SDK2: variants seen among roughly 807,000 people sequenced by gnomAD.
SDK2 encodes the protein protein sidekick-2.
In SDK2, 105 loss-of-function variants were observed where a neutral mutation model predicts 253.9. That is an observed-to-expected ratio of 0.41 (90% CI 0.35 to 0.49). SDK2 has a LOEUF of 0.49. SDK2 is among the 20% of genes least tolerant of loss of function. SDK2 has a pLI of 0.06. For missense variants in SDK2, 2,608 were observed against 3,003.0 expected (o/e 0.87, Z 3.07); for synonymous variants, 1,249 against 1,234.9 (o/e 1.01, Z -0.24).
intron 1 of SDK2, among the ~76,000 whole-genome samples, chr17:73,590,469 C>T (rs1203231015): frequency 6.6e-6 from 1 of 152,262 alleles, no homozygotes; most frequent in Admixed American, 6.5e-5. Context: ...CACCATTGCT[C>T]TGCCCCGTCT....
At chr17:73,507,678 T>G (rs2063947047) in intron 1 of SDK2, 81 bp from the exon 2 acceptor site, 1 of 1,416,374 alleles carries the variant, frequency 7.1e-7, no homozygotes, top group African/African-American at 1.4e-5. Context: ...CTAAGGCCCT[T>G]AGGCAGATGG....
intron 1 of SDK2, among the ~76,000 whole-genome samples, chr17:73,571,401 A>T (rs1435128208): frequency 1.3e-5 from 2 of 152,152 alleles, no homozygotes; most frequent in Non-Finnish European, 2.9e-5. Context: ...GCCAGTAGAT[A>T]GTCAAGTTCC....
At chr17:73,366,714 G>A (rs529834078) in intron 37 of SDK2, among the ~76,000 whole-genome samples, 54 of 152,208 alleles carry the variant, frequency 3.5e-4, no homozygotes, top group Middle Eastern at 3.4e-3. Flanking sequence ...CCGGCTCATC[G>A]TGAGATGAGG....
intron 33 of SDK2, among the ~76,000 whole-genome samples, chr17:73,382,098 C>T (rs1338911147): frequency 1.3e-5 from 2 of 151,822 alleles, no homozygotes; most frequent in Non-Finnish European, 2.9e-5. Flanking sequence ...CGCCGTTAAT[C>T]CCAGCTACTC....
At chr17:73,426,812 C>A (rs753725935) in intron 12 of SDK2, among the ~76,000 whole-genome samples, 1 of 152,136 alleles carries the variant, frequency 6.6e-6, no homozygotes, top group Non-Finnish European at 1.5e-5. Flanking sequence ...GGGGGCCGGG[C>A]GCGGTGGCTC....
chr17:73,542,779 A>G (rs2044890542), intron 1 of SDK2, among the ~76,000 whole-genome samples: 1 of 152,038 alleles, frequency 6.6e-6, no homozygotes, highest in African/African-American at 2.4e-5. Flanking sequence ...CAGGCCTGAA[A>G]TTCATGCCAT....
At chr17:73,402,416 C>T (rs984022464) in intron 18 of SDK2, among the ~76,000 whole-genome samples, 6 of 152,222 alleles carry the variant, frequency 3.9e-5, no homozygotes, top group African/African-American at 1.4e-4. Flanking sequence ...CACAGAGACC[C>T]AGGAGGGAGG....
chr17:73,621,575 A>G (rs2046133144), intron 1 of SDK2, among the ~76,000 whole-genome samples: 1 of 152,002 alleles, frequency 6.6e-6, no homozygotes, highest in Admixed American at 6.6e-5. Context: ...TTAGAAAGCT[A>G]GAAGTTATAT....
At chr17:73,475,951 A>G (rs2145701472) in intron 2 of SDK2, among the ~76,000 whole-genome samples, 1 of 152,332 alleles carries the variant, frequency 6.6e-6, no homozygotes, top group East Asian at 1.9e-4. Context: ...GTTTCTACTA[A>G]AAACACAAAA....
rs1275355268 is a variant in SDK2, at chr17:73,465,084, AC to A, written c.331+7027del. Among the ~76,000 whole-genome samples the A allele has an allele frequency of 1.3e-5, 2 of 152,152 alleles. No homozygotes were observed. The highest frequency in any genetic ancestry group is 4.8e-5 in the African/African-American group (2 of 41,438). ...GAAAGACACATTGATGTTATCAGGA[AC>A]TGTCACTTGGCCCCTAAGCATCCTG... On this transcript the variant is annotated intron_variant, in intron 3 of 44. Transcript: ENST00000392650. The surrounding 1 kb of genome is among the most constrained non-coding windows in gnomAD (Gnocchi z 4.2).
chr17:73,423,965 C>G lies in SDK2; in HGVS notation c.1711G>C (p.Val571Leu). Residue 571 changes from valine (V) to leucine (L), a missense_variant, in exon 13 of 45, where the codon GTG becomes CTG. Physicochemically the swap from Val to Leu is conservative, Grantham distance 32. Around this residue, in one of 2 missense-constraint regions of SDK2, gnomAD observed 1,505 missense variants for 1,859.1 expected, o/e 0.81. Transcript: ENST00000392650. ...SGDIGTYTCR[V>L]ISAGGNDSRS... ...GAGTCGTTGCCTCCTGCTGAGATCA[C>G]CCGGCAGGTGTACGTGCCGATGTCT... 1 of 1,605,420 alleles carries G rather than the reference C, an allele frequency of 6.2e-7. No homozygotes were observed. Among genetic ancestry groups the G allele is most frequent in the Non-Finnish European group, 8.5e-7 (1 of 1,176,460 alleles).
chr17:73,402,006 AAC>A lies in SDK2; in HGVS notation c.2618_2619del (p.Cys873PhefsTer19). 1 of 1,613,792 alleles carries A rather than the reference AAC, an allele frequency of 6.2e-7. No individual in the cohort carries two copies. Among genetic ancestry groups the A allele is most frequent in the Non-Finnish European group, 8.5e-7 (1 of 1,179,850 alleles). On this transcript the variant is annotated frameshift_variant, in exon 19 of 45. Transcript: ENST00000392650. LOFTEE classifies it high-confidence loss of function. Reference protein sequence around the residue: ...KFTEYFTSVLCFTTPGDGPRS... With the variant: ...KFTEYFTSVLXFTTPGDGPRS... ...CGTGGCCCGTCCCCGGGGGTGGTGA[AAC>A]ACAGCACTGAGGTGAAGTACTCGGT... is the stretch of plus-strand genomic sequence containing the variant.
chr17:73,579,769 G>A (rs560041963), intron 1 of SDK2, among the ~76,000 whole-genome samples: 8 of 152,122 alleles, frequency 5.3e-5, no homozygotes, highest in Non-Finnish European at 1.2e-4. Context: ...CTGAGGTCGG[G>A]AGTTCAAGAC....
At chr17:73,523,844 C>G (rs1013152743) in intron 1 of SDK2, among the ~76,000 whole-genome samples, 9 of 152,070 alleles carry the variant, frequency 5.9e-5, no homozygotes, top group African/African-American at 2.2e-4. Context: ...GCTGCCCCAG[C>G]AGAAGCGAGC....
intron 18 of SDK2, 108 bp from the exon 19 acceptor site, chr17:73,402,249 T>A: frequency 8.4e-7 from 1 of 1,196,170 alleles, no homozygotes; most frequent in East Asian, 2.4e-5. Context: ...GGGACCGGAG[T>A]CCCTGTGGTG....
intron 1 of SDK2, among the ~76,000 whole-genome samples, chr17:73,634,722 G>T (rs1034725620): frequency 2.6e-5 from 4 of 152,192 alleles, no homozygotes; most frequent in Non-Finnish European, 5.9e-5. Context: ...CAAACTGCAG[G>T]CCCCAAACGG....
chr17:73,446,934 G>A (rs73347784), intron 5 of SDK2, among the ~76,000 whole-genome samples: 6,069 of 152,182 alleles, frequency 0.04, 423 homozygotes, highest in African/African-American at 0.14. Context: ...CCAGCATCTC[G>A]TCCCTCCAAA....
Position 73,335,380 on chromosome 17 carries a change from C to T in SDK2, c.*3207G>A, listed in dbSNP as rs1048422150. ...TGTGAACCTGCTTTGGGTGGAGTCC[C>T]ACAGGCAGGGGCCCTGGCATCACTG... On this transcript the variant is annotated 3_prime_UTR_variant, in exon 45 of 45. Coordinates refer to ENST00000392650, the MANE Select transcript of SDK2 (RefSeq NM_001144952.2). 1.3e-5 allele frequency: 2 copies of T among 152,238 alleles called. No individual in the cohort carries two copies. The highest frequency in any genetic ancestry group is 4.8e-5 in the African/African-American group (2 of 41,416). The allele number at this position is 152,238 out of a possible 1,614,324, so 9.4% of individuals were successfully genotyped here. A position where few individuals can be genotyped will look rare whatever the true frequency, so the allele number is the denominator to read the frequency against.
chr17:73,600,249 C>A lies in SDK2; in HGVS notation c.64+43776G>T, dbSNP rs1243200645. On this transcript the variant is annotated intron_variant, in intron 1 of 44. Coordinates refer to ENST00000392650, the MANE Select transcript of SDK2 (RefSeq NM_001144952.2). ...TTTCCCTCCAGGAGCCCATGGATGG[C>A]AGCCGTGTGCTGGGCCAGAGGCCAC... Among the ~76,000 whole-genome samples the A allele has an allele frequency of 2.6e-5, 4 of 152,244 alleles. No individual in the cohort carries two copies. The East Asian group carries it at 7.7e-4, about 29-fold the overall frequency.
Sources: allele counts gnomAD v4.1 joint callset (sites outside exome capture counted in the v4.1 genomes callset), GRCh38; gene constraint gnomAD v4.1.1; regional missense constraint gnomAD v4.1.1; non-coding constraint Gnocchi (gnomAD v3.1); transcripts MANE v1.5; gene names NCBI Gene and HGNC (gene_info 2026-07-23, HGNC 2026-07-21).